Variants in FER observed in about 807,000 individuals in gnomAD.
The protein encoded by FER is FER tyrosine kinase, also known as tyrosine-protein kinase Fer.
A neutral mutation model predicts 111.0 loss-of-function variants in FER; 63 were observed. The ratio of observed to expected loss-of-function variants is 0.57; its 90% CI spans 0.46 to 0.70. The LOEUF is 0.70. Among genes scored for constraint, FER ranks in the 30% least tolerant of loss-of-function variants. The pLI, the probability that FER is intolerant of heterozygous loss-of-function variation, is 0.00. For missense variants in FER, 914 were observed against 954.0 expected, an observed-to-expected ratio of 0.96 and a Z score of 0.55; for synonymous variants, 327 against 313.9, an observed-to-expected ratio of 1.04 and a Z score of -0.44.
intron 2 of FER, among the ~76,000 whole-genome samples, chr5:108,780,242 C>A (rs1310251123): frequency 6.6e-6 from 1 of 152,112 alleles, no homozygotes; most frequent in Non-Finnish European, 1.5e-5. Flanking sequence ...TTTCTTCCCC[C>A]TGAAGAACTT....
At chr5:108,820,407 G>A (rs1012061619) in intron 3 of FER, 3 of 985,374 alleles carry the variant, frequency 3.0e-6, no homozygotes, top group Non-Finnish European at 3.6e-6. Flanking sequence ...ACTATGGCTG[G>A]TTATTTTTCT....
intron 13 of FER, chr5:109,015,076 T>C (rs1014507691): frequency 2.0e-5 from 3 of 152,140 alleles, no homozygotes; most frequent in Non-Finnish European, 4.4e-5. Flanking sequence ...AATCTAGTTA[T>C]AGAAAAAAGT....
intron 19 of FER, among the ~76,000 whole-genome samples, chr5:109,186,559 A>G (rs1256806535): frequency 1.3e-5 from 2 of 152,170 alleles, no homozygotes; most frequent in Non-Finnish European, 2.9e-5. Context: ...CCTGTCTGGC[A>G]TGACAGCTGC....
chr5:108,794,524 G>GCCCCCCCCCCCCCCCCC (rs1415651696), intron 2 of FER, among the ~76,000 whole-genome samples: 1 of 53,704 alleles, frequency 1.9e-5, no homozygotes, highest in Non-Finnish European at 3.7e-5. Flanking sequence ...TGCCCCCTCC[G>GCCCCCCCCCCCCCCCCC]CACCCCCCCC....
intron 16 of FER, among the ~76,000 whole-genome samples, chr5:109,050,456 A>T (rs1313070125): frequency 6.6e-6 from 1 of 152,238 alleles, no homozygotes; most frequent in Non-Finnish European, 1.5e-5. Context: ...CATGACAAAC[A>T]AAACAAACTT....
chr5:109,012,606 A>G (rs966752850), intron 13 of FER, among the ~76,000 whole-genome samples: 3 of 152,236 alleles, frequency 2.0e-5, no homozygotes, highest in African/African-American at 7.2e-5. Flanking sequence ...CCTGTGTGGT[A>G]TCATTGCGAT....
chr5:108,976,342 C>T (rs1346321285), intron 13 of FER, among the ~76,000 whole-genome samples: 1 of 152,098 alleles, frequency 6.6e-6, no homozygotes, highest in Non-Finnish European at 1.5e-5. Context: ...TATCAGATTG[C>T]TACTTTTAAA....
At chr5:109,052,602 A>G (rs887806528) in intron 16 of FER, 6 of 580,714 alleles carry the variant, frequency 1.0e-5, no homozygotes, top group Non-Finnish European at 1.5e-5. Flanking sequence ...GCTGTTTGTT[A>G]CTTTCCTCAC....
At position 109,194,329 on chromosome 5, in the gene FER, C is replaced by A. The variant is rs987569716; in HGVS notation, c.*6754C>A. ...AGAAAAGAGGGCAGCAAATATGAAG[C>A]CTTAAGTTCAAAATAAGTCATTCTA... On this transcript the variant is annotated 3_prime_UTR_variant, in exon 20 of 20. Coordinates refer to ENST00000281092, the MANE Select transcript of FER (RefSeq NM_005246.4). 1 of 152,076 alleles carries A rather than the reference C, an allele frequency of 6.6e-6. No individual in the cohort carries two copies. The highest frequency in any genetic ancestry group is 1.5e-5 in the Non-Finnish European group (1 of 68,022). The allele number at this position is 152,076 out of a possible 1,614,324, so 9.4% of individuals were successfully genotyped here.
chr5:108,985,079 T>G (rs902509187), intron 13 of FER, among the ~76,000 whole-genome samples: 1 of 152,052 alleles, frequency 6.6e-6, no homozygotes, highest in African/African-American at 2.4e-5. Flanking sequence ...AACTAGTGCT[T>G]ATCATACAAA....
chr5:108,954,672 TA>T (rs1758202079), intron 11 of FER, 56 bp from the exon 12 acceptor site: 1 of 1,255,840 alleles, frequency 8.0e-7, no homozygotes, highest in Non-Finnish European at 1.1e-6. Flanking sequence ...TGAATTTTAT[TA>T]GAAAATAATC....
At chr5:108,896,537 ACTTTT>A (rs1218102547) in intron 9 of FER, among the ~76,000 whole-genome samples, 2 of 152,064 alleles carry the variant, frequency 1.3e-5, no homozygotes, top group Admixed American at 6.6e-5. Context: ...CATTAGTTTT[ACTTTT>A]CTTAGACTTT....
At chr5:108,893,134 T>G (rs1247271760) in intron 9 of FER, among the ~76,000 whole-genome samples, 1 of 152,192 alleles carries the variant, frequency 6.6e-6, no homozygotes, top group East Asian at 1.9e-4. Flanking sequence ...TGGCTTAGGA[T>G]TGACTTGGCG....
intron 5 of FER, among the ~76,000 whole-genome samples, chr5:108,866,379 G>A (rs904368745): frequency 2.0e-5 from 3 of 152,118 alleles, no homozygotes; most frequent in Non-Finnish European, 4.4e-5. Context: ...GGTGGGTATT[G>A]AACAGTGAGA....
intron 3 of FER, among the ~76,000 whole-genome samples, chr5:108,806,195 G>A (rs1757188751): frequency 6.6e-6 from 1 of 152,210 alleles, no homozygotes; most frequent in African/African-American, 2.4e-5. Flanking sequence ...AGCCTTGGCA[G>A]CTTCCACGTG....
At chr5:108,895,441 C>G (rs1748931857) in intron 9 of FER, among the ~76,000 whole-genome samples, 2 of 152,146 alleles carry the variant, frequency 1.3e-5, no homozygotes, top group African/African-American at 2.4e-5. Context: ...ATTCCTAGGG[C>G]TAGTTTCTTC....
At chr5:109,128,234 T>G (rs1038223608) in intron 17 of FER, among the ~76,000 whole-genome samples, 1 of 152,268 alleles carries the variant, frequency 6.6e-6, no homozygotes, top group South Asian at 2.1e-4. Flanking sequence ...TACAAGTTTT[T>G]TTTTTTTAAT....
intron 17 of FER, among the ~76,000 whole-genome samples, chr5:109,152,637 C>T (rs898544504): frequency 6.6e-6 from 1 of 151,800 alleles, no homozygotes; most frequent in Admixed American, 6.6e-5. Flanking sequence ...TAATCAGATA[C>T]GTACTGAATT....
chr5:108,832,714 C>T, intron 3 of FER, 56 bp from the exon 4 acceptor site: 2 of 1,287,426 alleles, frequency 1.6e-6, no homozygotes, highest in South Asian at 2.3e-5. Context: ...TCTTAAAGCA[C>T]AGCTAAATGG....
Sources: gnomAD v4.1 joint callset for allele counts (sites outside exome capture counted in the v4.1 genomes callset) on GRCh38, gnomAD v4.1.1 for gene constraint, MANE v1.5 for transcripts, NCBI Gene and HGNC (gene_info 2026-07-23, HGNC 2026-07-21) for gene names.